The following HGSNAT variants were observed in gnomAD, a reference collection of about 807,000 sequenced individuals.
HGSNAT encodes the protein transmembrane protein 76.
A neutral mutation model predicts 85.2 loss-of-function variants in HGSNAT; 59 were observed. The ratio of observed to expected loss-of-function variants is 0.69; its 90% confidence interval spans 0.56 to 0.86. HGSNAT has a LOEUF of 0.86. HGSNAT is among the 40% of genes least tolerant of loss of function. The pLI is 0.00. For synonymous variants in HGSNAT, 321 were observed against 304.5 expected (o/e 1.05, Z -0.56); for missense variants, 756 against 777.1 (o/e 0.97, Z 0.32).
At chr8:43,156,824 T>C (rs987840872) in intron 2 of HGSNAT, among the ~76,000 whole-genome samples, 1 of 152,216 alleles carries the variant, frequency 6.6e-6, no homozygotes, top group Non-Finnish European at 1.5e-5. Context: ...TCTTTTGTAT[T>C]AGTACAGCTA....
chr8:43,189,429 C>T (rs776941435), intron 11 of HGSNAT, among the ~76,000 whole-genome samples: 13 of 152,160 alleles, frequency 8.5e-5, no homozygotes, highest in East Asian at 1.9e-4. Flanking sequence ...TGGGACCCTC[C>T]GAGCCAGATG....
chr8:43,143,496 A>G (rs73629201), intron 1 of HGSNAT, among the ~76,000 whole-genome samples: 2,028 of 151,302 alleles, frequency 0.013, 41 homozygotes, highest in African/African-American at 0.048. Flanking sequence ...CAGGCCTCAG[A>G]TGCCTCATCC....
chr8:43,184,412 C>CTG (rs1317051149), intron 11 of HGSNAT, among the ~76,000 whole-genome samples: 1 of 152,088 alleles, frequency 6.6e-6, no homozygotes, highest in East Asian at 1.9e-4. Context: ...TTTCATGTGT[C>CTG]TGTTGGCTGC....
chr8:43,196,597 G>A, intron 14 of HGSNAT: 1 of 1,096,836 alleles, frequency 9.1e-7, no homozygotes, highest in Non-Finnish European at 1.2e-6. Context: ...TGCAGCAGTG[G>A]AGATGTGGTG....
rs545426041 is a variant in HGSNAT at position 43,167,748 on chromosome 8, G to C, written c.564-1425G>C. ...ACTGTTCATGACCAAAAAATAAAAGGGGAAAAAATCCTATGCACTGGATAA... is the reference window on the plus strand; with the variant it reads ...ACTGTTCATGACCAAAAAATAAAAGCGGAAAAAATCCTATGCACTGGATAA... On this transcript the variant is annotated intron_variant, in intron 5 of 17. Transcript: ENST00000379644. Among the ~76,000 whole-genome samples, 3 of 152,040 alleles carry C rather than the reference G, an allele frequency of 2.0e-5. No individual in the cohort carries two copies. In the East Asian group the frequency reaches 5.8e-4, roughly 29 times the overall value.
rs1223401239 is a variant in HGSNAT, at chr8:43,200,045, T to G, written c.*476T>G. 4 of 152,508 alleles carry G rather than the reference T, an allele frequency of 2.6e-5. No individual in the cohort carries two copies. The highest frequency in any genetic ancestry group is 4.4e-5 in the Non-Finnish European group (3 of 68,236). 9.4% of individuals were successfully genotyped at this position (152,508 alleles called of 1,614,324 possible). Reference sequence around the variant, plus strand: ...GGTTGTGATGTGTTATAATTTAGTCTGTTTTTTTGATTGAATGCAGTTTAA... The same window carrying G: ...GGTTGTGATGTGTTATAATTTAGTCGGTTTTTTTGATTGAATGCAGTTTAA... On this transcript the variant is annotated 3_prime_UTR_variant, in exon 18 of 18. Coordinates refer to ENST00000379644, the MANE Select transcript of HGSNAT (RefSeq NM_152419.3).
chr8:43,169,039 TAA>T, intron 5 of HGSNAT, 132 bp from the exon 6 acceptor site: 1 of 475,582 alleles, frequency 2.1e-6, no homozygotes, highest in Non-Finnish European at 3.6e-6. Flanking sequence ...TTTATATTGT[TAA>T]AAAATGTTTA....
At chr8:43,147,470 G>A (rs1802755478) in intron 2 of HGSNAT, among the ~76,000 whole-genome samples, 1 of 152,128 alleles carries the variant, frequency 6.6e-6, no homozygotes, top group South Asian at 2.1e-4. Context: ...GATAACAAAT[G>A]CATTTTCTCT....
intron 1 of HGSNAT, among the ~76,000 whole-genome samples, chr8:43,146,577 T>C (rs1292910330): frequency 6.6e-6 from 1 of 152,190 alleles, no homozygotes. Context: ...AAGATTGTCA[T>C]TATTATAGGG....
intron 15 of HGSNAT, chr8:43,197,420 T>A (rs1006284588): frequency 3.6e-6 from 2 of 558,854 alleles, no homozygotes; most frequent in Non-Finnish European, 6.3e-6. Flanking sequence ...CCATGCCTCC[T>A]CTTCAGAGTC....
At chr8:43,141,761 A>G (rs895389785) in intron 1 of HGSNAT, among the ~76,000 whole-genome samples, 3 of 152,006 alleles carry the variant, frequency 2.0e-5, no homozygotes, top group African/African-American at 7.3e-5. Context: ...GATCCACCCA[A>G]CCTTCATCTC....
intron 13 of HGSNAT, 78 bp downstream of exon 13, chr8:43,192,508 G>C: frequency 6.9e-7 from 1 of 1,454,180 alleles, no homozygotes; most frequent in African/African-American, 1.4e-5. Context: ...GCCAGCAAAC[G>C]TTAAACCATG....
chr8:43,156,847 T>C (rs1803110670), intron 2 of HGSNAT, among the ~76,000 whole-genome samples: 1 of 152,194 alleles, frequency 6.6e-6, no homozygotes, highest in South Asian at 2.1e-4. Flanking sequence ...CTTGACCTTT[T>C]TTGTTTCCAT....
intron 1 of HGSNAT, among the ~76,000 whole-genome samples, chr8:43,141,396 C>T (rs761163845): frequency 6.6e-6 from 1 of 152,148 alleles, no homozygotes; most frequent in Non-Finnish European, 1.5e-5. Flanking sequence ...AGGCGCTCAG[C>T]TCATACCGTG....
rs1372286994 is a variant in HGSNAT at position 43,197,842 on chromosome 8, C to G, written c.1616C>G (p.Ser539Cys). The G allele has an allele frequency of 3.7e-6, 6 of 1,613,294 alleles. No homozygotes were observed. Among genetic ancestry groups the G allele is most frequent in the Non-Finnish European group, 5.1e-6 (6 of 1,179,228 alleles). The change falls in exon 17 of 18, where the codon TCC (serine) becomes TGC (cysteine). Residue 539 changes from serine (S) to cysteine (C), a missense_variant and splice_region_variant. Ser to Cys is a moderately radical substitution (Grantham distance 112, BLOSUM62 -1). Coordinates refer to ENST00000379644, the MANE Select transcript of HGSNAT (RefSeq NM_152419.3). ...GFIPVNKNLW[S>C]LSYVTTLSSF... Reference sequence around the variant, plus strand: ...AACGTCTCCTCCACCCCTCCCAGGTCCCTTTCGTATGTCACTACGCTCAGT... The same window carrying G: ...AACGTCTCCTCCACCCCTCCCAGGTGCCTTTCGTATGTCACTACGCTCAGT...
intron 14 of HGSNAT, 114 bp downstream of exon 14, chr8:43,193,957 G>A: frequency 6.7e-7 from 1 of 1,500,514 alleles, no homozygotes; most frequent in Non-Finnish European, 8.9e-7. Flanking sequence ...TGTGCTATGG[G>A]CCTAATATAT....
intron 14 of HGSNAT, chr8:43,194,297 C>A: frequency 1.5e-6 from 1 of 682,054 alleles, no homozygotes; most frequent in Non-Finnish European, 1.8e-6. Context: ...TACTTGGGAG[C>A]TGAGGTAGGA....
intron 9 of HGSNAT, among the ~76,000 whole-genome samples, chr8:43,177,122 T>G (rs765073080): frequency 1.3e-5 from 2 of 152,198 alleles, no homozygotes; most frequent in African/African-American, 4.8e-5. Context: ...ATCCTTGTCA[T>G]GTTCCAGATC....
rs978441131 is a variant in HGSNAT at position 43,146,693 on chromosome 8, TGTA to T, written c.119-250_119-248del. Among the ~76,000 whole-genome samples, 10 of 152,122 alleles carry T rather than the reference TGTA, an allele frequency of 6.6e-5. No homozygotes were observed. The South Asian group carries it at 8.3e-4, about 13-fold the overall frequency. On this transcript the variant is annotated intron_variant, in intron 1 of 17. Coordinates refer to ENST00000379644, the MANE Select transcript of HGSNAT (RefSeq NM_152419.3). ...TTGAGTGGTGTTGACTGAATCCTCT[TGTA>T]GTAGAGACATCTGTGCAAAAGGAGA... is the stretch of plus-strand genomic sequence containing the variant.
Sources: allele counts gnomAD v4.1 joint callset (sites outside exome capture counted in the v4.1 genomes callset), GRCh38; gene constraint gnomAD v4.1.1; transcripts MANE v1.5; gene names NCBI Gene and HGNC (gene_info 2026-07-23, HGNC 2026-07-21).